The following RAPGEF2 variants were observed in gnomAD, a reference collection of about 807,000 sequenced individuals.
The protein encoded by RAPGEF2 is PDZ domain containing guanine nucleotide exchange factor (GEF) 1.
In RAPGEF2, 54 loss-of-function variants were observed where a neutral mutation model predicts 186.7. The observed-to-expected ratio is 0.29, with a 90% CI of 0.23 to 0.36. The LOEUF is 0.36. RAPGEF2 is among the 10% of genes least tolerant of loss of function. The pLI is 1.00. For synonymous variants in RAPGEF2, 712 were observed against 705.9 expected (o/e 1.01, Z -0.14); for missense variants, 1,532 against 2,045.0 (o/e 0.75, Z 4.84).
At chr4:159,197,784 C>G (rs960277032) in intron 3 of RAPGEF2, among the ~76,000 whole-genome samples, 1 of 152,212 alleles carries the variant, frequency 6.6e-6, no homozygotes, top group East Asian at 1.9e-4. Flanking sequence ...TGTCCCCTTT[C>G]CTTTCTCCCA....
chr4:159,341,695 G>A lies in RAPGEF2; in HGVS notation c.2666G>A (p.Arg889Gln), dbSNP rs533064466. The A allele has an allele frequency of 3.1e-6, 5 of 1,614,032 alleles. No homozygotes were observed. The highest frequency in any genetic ancestry group is 1.3e-5 in the African/African-American group (1 of 75,026). ...TVEVATQLSMRNFELFRNIEP... is the reference protein window; with the variant it reads ...TVEVATQLSMQNFELFRNIEP... Reference sequence around the variant, plus strand: ...GAAGTTGCAACACAGCTCTCTATGCGAAATTTTGAACTCTTTCGCAACATT... The same window carrying A: ...GAAGTTGCAACACAGCTCTCTATGCAAAATTTTGAACTCTTTCGCAACATT... Residue 889 changes from arginine (R) to glutamine (Q), a missense_variant, in exon 20 of 30, where the codon CGA becomes CAA. This residue lies in a region of RAPGEF2 where 810 missense variants were observed against 1,210.5 expected (regional missense o/e 0.67). Coordinates refer to ENST00000691494, the MANE Select transcript of RAPGEF2 (RefSeq NM_001394067.2).
chr4:159,109,602 T>G (rs2111056635), intron 1 of RAPGEF2, among the ~76,000 whole-genome samples: 1 of 152,322 alleles, frequency 6.6e-6, no homozygotes, highest in Non-Finnish European at 1.5e-5. Flanking sequence ...AAAGATGAAA[T>G]GTGTGTCCCT....
At position 159,330,295 on chromosome 4, in the gene RAPGEF2, G is replaced by GTGTGTGTGTGTATA. The variant is rs1554038040; in HGVS notation, c.1303-38_1303-37insGTGTGTGTGTATAT. 4 of 924,388 alleles carry GTGTGTGTGTGTATA rather than the reference G, an allele frequency of 4.3e-6. No individual in the cohort carries two copies. In the African/African-American group the frequency reaches 7.0e-5, roughly 16 times the overall value. The allele number at this position is 924,388 out of a possible 1,614,324, so 57.3% of individuals were successfully genotyped here. Reference sequence around the variant, plus strand: ...TGTGTGTGTGTGTGTGTGTGTGTGTGTATATATATGTAGTAATTAAACCTT... The same window carrying GTGTGTGTGTGTATA: ...TGTGTGTGTGTGTGTGTGTGTGTGTGTGTGTGTGTGTATATATATATATGTAGTAATTAAACCTT... On this transcript the variant is annotated intron_variant, in intron 12 of 29. Coordinates refer to ENST00000691494, the MANE Select transcript of RAPGEF2 (RefSeq NM_001394067.2).
intron 1 of RAPGEF2, among the ~76,000 whole-genome samples, chr4:159,169,589 C>G (rs141024264): frequency 2.1e-3 from 313 of 152,158 alleles, no homozygotes; most frequent in Admixed American, 4.1e-3. Context: ...AACAGCCCCC[C>G]CTCCCCAGCC....
intron 7 of RAPGEF2, among the ~76,000 whole-genome samples, chr4:159,295,765 G>A (rs1036912498): frequency 3.1e-4 from 39 of 126,434 alleles, no homozygotes; most frequent in Admixed American, 8.6e-4. Context: ...GCGCGCGCGC[G>A]CGCGCGCGCA....
chr4:159,126,007 G>T (rs1286730548), intron 1 of RAPGEF2, among the ~76,000 whole-genome samples: 1 of 152,160 alleles, frequency 6.6e-6, no homozygotes, highest in African/African-American at 2.4e-5. Context: ...TTACTACAAT[G>T]TGTCTGCTAT....
chr4:159,109,233 G>A (rs1346320858), intron 1 of RAPGEF2, among the ~76,000 whole-genome samples: 1 of 152,126 alleles, frequency 6.6e-6, no homozygotes, highest in Non-Finnish European at 1.5e-5. Context: ...ACACATACCT[G>A]TAATCCCAGC....
chr4:159,313,761 T>C (rs1175753015), intron 8 of RAPGEF2, among the ~76,000 whole-genome samples: 2 of 152,194 alleles, frequency 1.3e-5, no homozygotes, highest in African/African-American at 2.4e-5. Flanking sequence ...TTACTATGCT[T>C]AAGTGATAAT....
intron 7 of RAPGEF2, among the ~76,000 whole-genome samples, chr4:159,301,752 A>C (rs1762701000): frequency 6.6e-6 from 1 of 152,200 alleles, no homozygotes; most frequent in Non-Finnish European, 1.5e-5. Flanking sequence ...CCAACTACTC[A>C]GGAGGCTGAG....
chr4:159,119,704 T>C (rs979718207), intron 1 of RAPGEF2, among the ~76,000 whole-genome samples: 3 of 152,182 alleles, frequency 2.0e-5, no homozygotes, highest in Non-Finnish European at 4.4e-5. Flanking sequence ...CATTTACAAA[T>C]AGGGATAAAA....
At chr4:159,293,765 G>C (rs1761546409) in intron 7 of RAPGEF2, among the ~76,000 whole-genome samples, 1 of 152,172 alleles carries the variant, frequency 6.6e-6, no homozygotes, top group Non-Finnish European at 1.5e-5. Flanking sequence ...TCTAGATAGT[G>C]GTTCAGGGTT....
intron 10 of RAPGEF2, 55 bp from the exon 11 acceptor site, chr4:159,323,404 A>C: frequency 7.3e-6 from 10 of 1,374,176 alleles, no homozygotes; most frequent in East Asian, 2.6e-5. Context: ...ACTGGCACTT[A>C]CAGCTGTATG....
intron 3 of RAPGEF2, among the ~76,000 whole-genome samples, chr4:159,201,174 G>A (rs1367658102): frequency 1.3e-5 from 2 of 152,226 alleles, no homozygotes; most frequent in East Asian, 3.9e-4. Context: ...TGAAAACTTT[G>A]TCTATCAGCT....
Position 159,317,093 on chromosome 4 carries a change from G to A in RAPGEF2, c.853+2325G>A, listed in dbSNP as rs371409570. Among the ~76,000 whole-genome samples, 5 of 152,206 alleles carry A rather than the reference G, an allele frequency of 3.3e-5. No individual in the cohort carries two copies. In the South Asian group the frequency reaches 1.0e-3, roughly 31 times the overall value. ...GATAAAGGATGGTGTGGAGTGGCTT[G>A]TTACATGAGTTTGAGTGACACAAAC... On this transcript the variant is annotated intron_variant, in intron 9 of 29. Coordinates refer to ENST00000691494, the MANE Select transcript of RAPGEF2 (RefSeq NM_001394067.2).
intron 29 of RAPGEF2, among the ~76,000 whole-genome samples, chr4:159,356,882 C>T (rs1160105933): frequency 6.6e-6 from 1 of 151,928 alleles, no homozygotes; most frequent in African/African-American, 2.4e-5. Flanking sequence ...GCCTGGGTGA[C>T]AGAGTGAGAC....
At chr4:159,189,932 G>T (rs1240564829) in intron 2 of RAPGEF2, among the ~76,000 whole-genome samples, 1 of 152,180 alleles carries the variant, frequency 6.6e-6, no homozygotes, top group African/African-American at 2.4e-5. Context: ...CGGAACTGAG[G>T]TTCCTAGTGG....
intron 1 of RAPGEF2, among the ~76,000 whole-genome samples, chr4:159,115,265 G>A (rs1738922981): frequency 6.6e-6 from 1 of 152,026 alleles, no homozygotes. Context: ...TTAGATAATT[G>A]TAAATATAGT....
chr4:159,135,321 C>T (rs1579277213), intron 1 of RAPGEF2, among the ~76,000 whole-genome samples: 1 of 152,160 alleles, frequency 6.6e-6, no homozygotes, highest in African/African-American at 2.4e-5. Flanking sequence ...GCTGGGATTA[C>T]AGGCGTAAGT....
chr4:159,300,121 T>TAC (rs1762474683), intron 7 of RAPGEF2, among the ~76,000 whole-genome samples: 2 of 151,276 alleles, frequency 1.3e-5, no homozygotes, highest in Non-Finnish European at 3.0e-5. Context: ...AAGTAATACT[T>TAC]ATAAAGTATT....
Sources: allele counts gnomAD v4.1 joint callset (sites outside exome capture counted in the v4.1 genomes callset), GRCh38; gene constraint gnomAD v4.1.1; regional missense constraint gnomAD v4.1.1; transcripts MANE v1.5; gene names NCBI Gene and HGNC (gene_info 2026-07-23, HGNC 2026-07-21).